The following OR2T12 variants were observed in gnomAD, a reference collection of about 807,000 sequenced individuals.
The protein encoded by OR2T12 is olfactory receptor 2T12.
For missense variants in OR2T12, 335 were observed against 404.3 expected, an observed-to-expected ratio of 0.83 and a Z score of 1.47; for synonymous variants, 127 against 160.5, an observed-to-expected ratio of 0.79 and a Z score of 1.58.
intron 2 of OR2T12, among the ~76,000 whole-genome samples, chr1:248,296,774 G>A (rs1286861380): frequency 1.3e-5 from 2 of 152,114 alleles, no homozygotes; most frequent in African/African-American, 4.8e-5. Context: ...AGATGAGCAG[G>A]TTGCGAAAAT....
chr1:248,294,617 C>A lies in OR2T12; in HGVS notation c.962G>T (p.Ter321LeuextTer5). ...HQQNEAHRSR[*>L] ...AACTTAGACTCATCTGACACTAGAT[C>A]ATCTTGACCTGTGGGCCTCATTTTG... is the stretch of plus-strand genomic sequence containing the variant. The change falls in exon 3 of 3, where the codon TGA (stop) becomes TTA (leucine). Residue 321 changes from the stop codon to leucine, a stop_lost. Coordinates refer to ENST00000641276, the MANE Select transcript of OR2T12 (RefSeq NM_001004692.2). 1 of 1,612,540 alleles carries A rather than the reference C, an allele frequency of 6.2e-7. No individual in the cohort carries two copies. The highest frequency in any genetic ancestry group is 2.2e-5 in the East Asian group (1 of 44,862).
intron 2 of OR2T12, among the ~76,000 whole-genome samples, chr1:248,300,114 A>T (rs920877554): frequency 7.2e-5 from 11 of 152,080 alleles, no homozygotes; most frequent in East Asian, 3.9e-4. Context: ...TAATAAAATT[A>T]AAAAAATAGA....
intron 1 of OR2T12, among the ~76,000 whole-genome samples, chr1:248,303,103 T>C (rs1410131345): frequency 2.0e-5 from 3 of 152,126 alleles, no homozygotes; most frequent in Non-Finnish European, 4.4e-5. Flanking sequence ...TGCCAGGACA[T>C]ATCAAAACAA....
intron 2 of OR2T12, among the ~76,000 whole-genome samples, chr1:248,298,466 G>A (rs1285694525): frequency 6.6e-6 from 1 of 152,114 alleles, no homozygotes; most frequent in African/African-American, 2.4e-5. Context: ...ATTTGCCTGT[G>A]AATCCTTCTG....
In OR2T12 at chr1:248,294,447, A is replaced by G; in HGVS notation, c.*169T>C. 1 of 822,968 alleles carries G rather than the reference A, an allele frequency of 1.2e-6. No homozygotes were observed. Among genetic ancestry groups the G allele is most frequent in the South Asian group, 1.9e-5 (1 of 51,902 alleles). 51.0% of individuals were successfully genotyped at this position (822,968 alleles called of 1,614,324 possible). On this transcript the variant is annotated 3_prime_UTR_variant, in exon 3 of 3. Coordinates refer to ENST00000641276, the MANE Select transcript of OR2T12 (RefSeq NM_001004692.2). Reference sequence around the variant, plus strand: ...ACTTCACTTGAAGAAAAGTACATAAATGCTCAAAAATGGTATCTGTCAATA... The same window carrying G: ...ACTTCACTTGAAGAAAAGTACATAAGTGCTCAAAAATGGTATCTGTCAATA...
At chr1:248,298,434 T>A (rs538560492) in intron 2 of OR2T12, among the ~76,000 whole-genome samples, 2 of 152,356 alleles carry the variant, frequency 1.3e-5, no homozygotes, top group South Asian at 4.1e-4. Flanking sequence ...TGGTACAAGT[T>A]CCTCCTTGTA....
chr1:248,296,385 G>T (rs185515951), intron 2 of OR2T12, among the ~76,000 whole-genome samples: 1 of 152,132 alleles, frequency 6.6e-6, no homozygotes, highest in Non-Finnish European at 1.5e-5. Context: ...TGGGATGGCT[G>T]GGTCAAATGG....
At position 248,294,452 on chromosome 1, in the gene OR2T12, C is replaced by T. The variant is rs1659681084; in HGVS notation, c.*164G>A. 2.2e-6 allele frequency: 2 copies of T among 890,968 alleles called. No individual in the cohort carries two copies. Among genetic ancestry groups the T allele is most frequent in the Non-Finnish European group, 3.4e-6 (2 of 594,114 alleles). The allele number at this position is 890,968 out of a possible 1,614,324, so 55.2% of individuals were successfully genotyped here. A position where few individuals can be genotyped will look rare whatever the true frequency, so the allele number is the denominator to read the frequency against. On this transcript the variant is annotated 3_prime_UTR_variant, in exon 3 of 3. Coordinates refer to ENST00000641276, the MANE Select transcript of OR2T12 (RefSeq NM_001004692.2). Reference sequence around the variant, plus strand: ...ACTTGAAGAAAAGTACATAAATGCTCAAAAATGGTATCTGTCAATACAATT... The same window carrying T: ...ACTTGAAGAAAAGTACATAAATGCTTAAAAATGGTATCTGTCAATACAATT...
chr1:248,291,293 C>T lies in OR2T12; in HGVS notation c.*3323G>A, dbSNP rs1659630300. 6.6e-6 allele frequency: 1 copy of T among 151,866 alleles called. No individual in the cohort carries two copies. Among genetic ancestry groups the T allele is most frequent in the Non-Finnish European group, 1.5e-5 (1 of 68,010 alleles). 9.4% of individuals were successfully genotyped at this position (151,866 alleles called of 1,614,324 possible). On this transcript the variant is annotated 3_prime_UTR_variant, in exon 3 of 3. Coordinates refer to ENST00000641276, the MANE Select transcript of OR2T12 (RefSeq NM_001004692.2). ...TAAAAATCACAAGCTTTCCCATACA[C>T]CAATAATAGACAGAGAGCCAAATCA...
rs866605461 is a variant in OR2T12 at position 248,293,227 on chromosome 1, A to G, written c.*1389T>C. 1 of 152,092 alleles carries G rather than the reference A, an allele frequency of 6.6e-6. No individual in the cohort carries two copies. The highest frequency in any genetic ancestry group is 2.1e-4 in the South Asian group (1 of 4,824). The allele number at this position is 152,092 out of a possible 1,614,324, so 9.4% of individuals were successfully genotyped here. Reference sequence around the variant, plus strand: ...ACTGCTTTGGAACCTGAAGATCTAGATGAAGCAGGAAACTCCTTTCACTTG... The same window carrying G: ...ACTGCTTTGGAACCTGAAGATCTAGGTGAAGCAGGAAACTCCTTTCACTTG... On this transcript the variant is annotated 3_prime_UTR_variant, in exon 3 of 3. Transcript: ENST00000641276.
intron 2 of OR2T12, among the ~76,000 whole-genome samples, chr1:248,298,023 C>T (rs1315242338): frequency 1.3e-5 from 2 of 151,730 alleles, no homozygotes; most frequent in South Asian, 4.2e-4. Flanking sequence ...GAGATATGTC[C>T]CATCAATACC....
chr1:248,295,940 G>A (rs1208074126), intron 2 of OR2T12, among the ~76,000 whole-genome samples: 1 of 151,738 alleles, frequency 6.6e-6, no homozygotes, highest in Non-Finnish European at 1.5e-5. Flanking sequence ...TGACATGCTG[G>A]TGCGCTGCAC....
rs1399561128 is a variant in OR2T12, at chr1:248,290,497, A to G, written c.*4119T>C. On this transcript the variant is annotated 3_prime_UTR_variant, in exon 3 of 3. Coordinates refer to ENST00000641276, the MANE Select transcript of OR2T12 (RefSeq NM_001004692.2). Reference sequence around the variant, plus strand: ...TTTGGGTTGGATTCACATATTTACTATTGGGAATAACTGCAATAAACATAT... The same window carrying G: ...TTTGGGTTGGATTCACATATTTACTGTTGGGAATAACTGCAATAAACATAT... 1.3e-5 allele frequency: 2 copies of G among 152,080 alleles called. No homozygotes were observed. The highest frequency in any genetic ancestry group is 3.8e-4 in the East Asian group (2 of 5,198). 9.4% of individuals were successfully genotyped at this position (152,080 alleles called of 1,614,324 possible). A position where few individuals can be genotyped will look rare whatever the true frequency, so the allele number is the denominator to read the frequency against.
intron 1 of OR2T12, among the ~76,000 whole-genome samples, chr1:248,301,955 C>G (rs1026670037): frequency 6.7e-6 from 1 of 149,864 alleles, no homozygotes; most frequent in East Asian, 2.0e-4. Context: ...AATAGTAACA[C>G]AGAAACCATG....
In OR2T12 at chr1:248,294,848, G is replaced by A. The variant is rs773380432; in HGVS notation, c.731C>T (p.Ala244Val). 315 of 1,612,772 alleles carry A rather than the reference G, an allele frequency of 2.0e-4. 2 individuals are homozygous for A. In the Admixed American group the frequency reaches 5.2e-3, roughly 27 times the overall value. ...KAFATCSSHV[A>V]VVGLFYGAGI... The stretch of plus-strand genomic sequence containing the variant: ...AGCTCCATAAAAGAGTCCCACCACA[G>A]CCACATGTGAAGAGCAGGTGGCAAA... The change falls in exon 3 of 3, where the codon GCT becomes GTT. Residue 244 changes from alanine to valine, a missense_variant. By Grantham distance (64) the Ala-to-Val change is moderately conservative. Coordinates refer to ENST00000641276, the MANE Select transcript of OR2T12 (RefSeq NM_001004692.2).
chr1:248,297,118 C>T (rs7543507), intron 2 of OR2T12, among the ~76,000 whole-genome samples: 114,447 of 151,832 alleles, frequency 0.75, 43,364 homozygotes, highest in South Asian at 0.87. Context: ...GGAATCCTCT[C>T]CCCATTGCTT....
Position 248,290,865 on chromosome 1 carries a change from T to C in OR2T12, c.*3751A>G, listed in dbSNP as rs12037921. 1 of 152,004 alleles carries C rather than the reference T, an allele frequency of 6.6e-6. No homozygotes were observed. Among genetic ancestry groups the C allele is most frequent in the Non-Finnish European group, 1.5e-5 (1 of 67,980 alleles). 9.4% of individuals were successfully genotyped at this position (152,004 alleles called of 1,614,324 possible). A position where few individuals can be genotyped will look rare whatever the true frequency, so the allele number is the denominator to read the frequency against. ...AATTGCCATTCTAACTGATGTGACA[T>C]GGTATCTCACTGTGGTTTCGATTTG... On this transcript the variant is annotated 3_prime_UTR_variant, in exon 3 of 3. Transcript: ENST00000641276.
At chr1:248,296,419 G>A (rs190270741) in intron 2 of OR2T12, among the ~76,000 whole-genome samples, 4 of 152,288 alleles carry the variant, frequency 2.6e-5, no homozygotes, top group Non-Finnish European at 5.9e-5. Flanking sequence ...AGATCCCTGA[G>A]GAATTGCCAC....
At chr1:248,300,441 G>A (rs1319327993) in intron 2 of OR2T12, among the ~76,000 whole-genome samples, 5 of 152,126 alleles carry the variant, frequency 3.3e-5, no homozygotes, top group African/African-American at 9.7e-5. Context: ...TTCAGTCAAT[G>A]TCTTGAGAAT....
Sources: allele counts gnomAD v4.1 joint callset (sites outside exome capture counted in the v4.1 genomes callset), GRCh38; gene constraint gnomAD v4.1.1; transcripts MANE v1.5; gene names NCBI Gene and HGNC (gene_info 2026-07-23, HGNC 2026-07-21).